MTUS2: variants seen among roughly 807,000 people sequenced by gnomAD.
The protein encoded by MTUS2 is microtubule associated scaffold protein 2.
In MTUS2, 40 loss-of-function variants were observed where a neutral mutation model predicts 114.1. That is an observed-to-expected ratio of 0.35 (90% confidence interval 0.27 to 0.46). MTUS2 has a LOEUF of 0.46. MTUS2 is among the 20% of genes least tolerant of loss of function. The pLI, the probability that MTUS2 is intolerant of heterozygous loss-of-function variation, is 1.00. For missense variants in MTUS2, 1,679 were observed against 1,705.4 expected (o/e 0.98, Z 0.27); for synonymous variants, 688 against 672.0 (o/e 1.02, Z -0.37).
At chr13:29,411,209 T>C (rs1875214379) in intron 8 of MTUS2, among the ~76,000 whole-genome samples, 1 of 152,166 alleles carries the variant, frequency 6.6e-6, no homozygotes, top group South Asian at 2.1e-4. Context: ...ATTTTTGTGG[T>C]TTTATTTTGA....
At chr13:28,927,204 A>G (rs1403243962) in intron 2 of MTUS2, among the ~76,000 whole-genome samples, 1 of 152,210 alleles carries the variant, frequency 6.6e-6, no homozygotes, top group East Asian at 1.9e-4. Context: ...AGCCTATGAC[A>G]CTTGATTCAA....
At chr13:28,854,423 A>G (rs1876492889) in intron 2 of MTUS2, among the ~76,000 whole-genome samples, 1 of 152,200 alleles carries the variant, frequency 6.6e-6, no homozygotes, top group Non-Finnish European at 1.5e-5. Flanking sequence ...AGAGACAACA[A>G]TCCTTGCCTC....
At chr13:29,056,578 G>A (rs1041167959) in intron 4 of MTUS2, among the ~76,000 whole-genome samples, 5 of 152,008 alleles carry the variant, frequency 3.3e-5, no homozygotes, top group Non-Finnish European at 7.4e-5. Context: ...GACATTGTGT[G>A]TTTCTAGGAA....
At chr13:28,997,395 G>T (rs1176944446) in intron 2 of MTUS2, among the ~76,000 whole-genome samples, 1 of 152,192 alleles carries the variant, frequency 6.6e-6, no homozygotes, top group South Asian at 2.1e-4. Context: ...TTCTGTAGAT[G>T]TCTATTAGGT....
At chr13:29,001,671 A>G (rs1298140376) in intron 2 of MTUS2, among the ~76,000 whole-genome samples, 2 of 152,206 alleles carry the variant, frequency 1.3e-5, no homozygotes, top group South Asian at 2.1e-4. Context: ...CAAAATGTCC[A>G]TATCCCAGTC....
chr13:29,009,334 A>G (rs556084366), intron 2 of MTUS2, among the ~76,000 whole-genome samples: 2 of 146,416 alleles, frequency 1.4e-5, no homozygotes, highest in African/African-American at 5.0e-5. Flanking sequence ...ATGAACCTTG[A>G]ATGCAATATG....
intron 4 of MTUS2, among the ~76,000 whole-genome samples, chr13:29,087,126 T>G (rs1889727024): frequency 6.6e-6 from 1 of 152,202 alleles, no homozygotes; most frequent in Non-Finnish European, 1.5e-5. Flanking sequence ...TGGCTAGGAC[T>G]TCCAGCACTA....
intron 2 of MTUS2, among the ~76,000 whole-genome samples, chr13:28,897,779 G>A (rs1013415423): frequency 5.3e-5 from 8 of 151,936 alleles, no homozygotes; most frequent in Admixed American, 1.3e-4. Flanking sequence ...GGAAACCATC[G>A]TTCTCAGCAT....
chr13:29,003,140 ACT>A (rs1240718189), intron 2 of MTUS2, among the ~76,000 whole-genome samples: 2 of 152,200 alleles, frequency 1.3e-5, no homozygotes, highest in Non-Finnish European at 2.9e-5. Flanking sequence ...AATGGATGGG[ACT>A]TTTTTTGTTT....
chr13:29,416,685 A>G (rs1158361323), intron 8 of MTUS2, among the ~76,000 whole-genome samples: 1 of 152,154 alleles, frequency 6.6e-6, no homozygotes, highest in Non-Finnish European at 1.5e-5. Context: ...GGACAACTTA[A>G]CTTTATATAA....
intron 5 of MTUS2, among the ~76,000 whole-genome samples, chr13:29,251,384 T>C (rs1219684563): frequency 6.6e-6 from 1 of 152,164 alleles, no homozygotes; most frequent in Non-Finnish European, 1.5e-5. Flanking sequence ...ATTTTGACCA[T>C]TTTTATTAGA....
chr13:29,015,205 T>C (rs1048647441), intron 2 of MTUS2, among the ~76,000 whole-genome samples: 11 of 152,226 alleles, frequency 7.2e-5, no homozygotes, highest in Admixed American at 3.3e-4. Flanking sequence ...CGCAAAACTG[T>C]ACAGTAAAAA....
intron 6 of MTUS2, among the ~76,000 whole-genome samples, chr13:29,304,059 C>T (rs537932163): frequency 2.5e-4 from 38 of 152,036 alleles, no homozygotes; most frequent in Non-Finnish European, 4.9e-4. Context: ...TGAAGGAGAA[C>T]TAAGATCCTT....
chr13:28,899,510 C>A (rs564436483), intron 2 of MTUS2, among the ~76,000 whole-genome samples: 2 of 152,118 alleles, frequency 1.3e-5, no homozygotes, highest in African/African-American at 2.4e-5. Flanking sequence ...CCCAGGTTCA[C>A]GCCATTCTCC....
intron 5 of MTUS2, among the ~76,000 whole-genome samples, chr13:29,189,936 A>C (rs371184295): frequency 1.1e-4 from 17 of 152,202 alleles, no homozygotes; most frequent in African/African-American, 3.9e-4. Flanking sequence ...GGAGATCATG[A>C]GGGTAGAGCT....
chr13:29,407,428 A>T (rs759298016), intron 8 of MTUS2, among the ~76,000 whole-genome samples: 4 of 151,328 alleles, frequency 2.6e-5, no homozygotes, highest in Non-Finnish European at 4.4e-5. Context: ...TTACCACATT[A>T]TTCTCCAGAG....
At chr13:29,288,245 G>A (rs1898571360) in intron 6 of MTUS2, among the ~76,000 whole-genome samples, 1 of 152,212 alleles carries the variant, frequency 6.6e-6, no homozygotes, top group African/African-American at 2.4e-5. Flanking sequence ...GGAGGCAATG[G>A]GGATGTGAGT....
chr13:28,941,011 A>G lies in MTUS2; in HGVS notation c.-242-83446A>G, dbSNP rs528444392. ...TTTGAGGCAAGGATCATTACTGGAC[A>G]TAAAGAGGGAATGATAGCTATACTA... On this transcript the variant is annotated intron_variant, in intron 2 of 15. Coordinates refer to ENST00000612955, the MANE Select transcript of MTUS2 (RefSeq NM_001033602.4). 4.1e-4 allele frequency among the ~76,000 whole-genome samples: 63 copies of G among 152,244 alleles called. 1 individual carries two copies. In the South Asian group the frequency reaches 0.013, roughly 32 times the overall value.
chr13:29,251,701 G>A (rs1213438245), intron 5 of MTUS2, among the ~76,000 whole-genome samples: 1 of 152,176 alleles, frequency 6.6e-6, no homozygotes, highest in Admixed American at 6.5e-5. Flanking sequence ...GAATGATACA[G>A]TATTTGTTCT....
Sources: allele counts gnomAD v4.1 joint callset (sites outside exome capture counted in the v4.1 genomes callset), GRCh38; gene constraint gnomAD v4.1.1; transcripts MANE v1.5; gene names NCBI Gene and HGNC (gene_info 2026-07-23, HGNC 2026-07-21).